The following BCAT1 variants were observed in gnomAD, a reference collection of about 807,000 sequenced individuals.
BCAT1 encodes the protein branched chain amino acid transaminase 1.
Under a neutral mutation model 52.4 loss-of-function variants are expected in BCAT1, and 48 were observed. The ratio of observed to expected loss-of-function variants is 0.92; its 90% CI spans 0.73 to 1.16. BCAT1 has a LOEUF of 1.16. Ranked by LOEUF, BCAT1 falls within the 50% of genes most tolerant of loss-of-function variation. BCAT1 has a pLI of 0.00. For synonymous variants in BCAT1, 167 were observed against 161.3 expected (o/e 1.04, Z -0.27); for missense variants, 451 against 457.1 (o/e 0.99, Z 0.12).
Position 24,812,446 on chromosome 12 carries a change from A to G in BCAT1, c.*5562T>C, listed in dbSNP as rs1939720147. On this transcript the variant is annotated 3_prime_UTR_variant, in exon 11 of 11. Coordinates refer to ENST00000261192, the MANE Select transcript of BCAT1 (RefSeq NM_005504.7). ...GATATTACTTACTATGCTATTATAA[A>G]ATAAAGCCTAGTCCAAGTTGATAAT... is the stretch of plus-strand genomic sequence containing the variant. 1 of 152,034 alleles carries G rather than the reference A, an allele frequency of 6.6e-6. No homozygotes were observed. The highest frequency in any genetic ancestry group is 2.4e-5 in the African/African-American group (1 of 41,440). The allele number at this position is 152,034 out of a possible 1,614,324, so 9.4% of individuals were successfully genotyped here. A position where few individuals can be genotyped will look rare whatever the true frequency, so the allele number is the denominator to read the frequency against.
intron 9 of BCAT1, 126 bp downstream of exon 9, chr12:24,832,597 A>G (rs558297195): frequency 1.6e-5 from 19 of 1,180,034 alleles, no homozygotes; most frequent in Non-Finnish European, 2.1e-5. Flanking sequence ...ATAAAGAAAA[A>G]CAACAACAAC....
chr12:24,877,133 T>C (rs1201541556), intron 5 of BCAT1, among the ~76,000 whole-genome samples: 3 of 152,170 alleles, frequency 2.0e-5, no homozygotes, highest in Non-Finnish European at 4.4e-5. Flanking sequence ...AACACTTCGG[T>C]ATTTATTCCA....
chr12:24,889,389 C>T (rs755072911), intron 3 of BCAT1, among the ~76,000 whole-genome samples: 25 of 152,308 alleles, frequency 1.6e-4, no homozygotes, highest in South Asian at 6.2e-4. Flanking sequence ...ATGTCTATTA[C>T]AGACTGTATT....
chr12:24,828,269 C>G (rs143311822), intron 10 of BCAT1, among the ~76,000 whole-genome samples: 40 of 152,342 alleles, frequency 2.6e-4, no homozygotes, highest in Middle Eastern at 3.4e-3. Flanking sequence ...ACAAAGTCTT[C>G]TAACTTGTGA....
intron 5 of BCAT1, among the ~76,000 whole-genome samples, chr12:24,866,402 T>C (rs1942011002): frequency 6.6e-6 from 1 of 152,228 alleles, no homozygotes; most frequent in African/African-American, 2.4e-5. Flanking sequence ...TGGGATCCTG[T>C]GCGGCCTGAG....
intron 1 of BCAT1, among the ~76,000 whole-genome samples, chr12:24,911,073 A>G (rs558808495): frequency 6.6e-6 from 1 of 152,076 alleles, no homozygotes; most frequent in East Asian, 1.9e-4. Context: ...TACTGACTCC[A>G]GCCTGGTGAC....
intron 1 of BCAT1, among the ~76,000 whole-genome samples, chr12:24,904,893 A>T (rs537101447): frequency 1.1e-4 from 16 of 152,246 alleles, no homozygotes; most frequent in Non-Finnish European, 1.5e-4. Context: ...TAAAATTATA[A>T]CAAGTGCTGC....
Position 24,882,338 on chromosome 12 carries a change from C to T in BCAT1, c.280-927G>A, listed in dbSNP as rs556264828. ...AAATTAGAAAATAAGTTAAACTGAA[C>T]GATAATGAAAAGTAAGGCCTTTAAA... On this transcript the variant is annotated intron_variant, in intron 3 of 10. Coordinates refer to ENST00000261192, the MANE Select transcript of BCAT1 (RefSeq NM_005504.7). 9.1e-4 allele frequency among the ~76,000 whole-genome samples: 138 copies of T among 151,728 alleles called. 1 individual carries two copies. Among genetic ancestry groups the T allele is most frequent in the Non-Finnish European group, 1.7e-3 (115 of 67,936 alleles).
intron 10 of BCAT1, among the ~76,000 whole-genome samples, chr12:24,821,902 C>T (rs1001897832): frequency 3.9e-5 from 6 of 152,092 alleles, no homozygotes; most frequent in South Asian, 2.1e-4. Flanking sequence ...GGCTTCTGAA[C>T]GAGATGAGTC....
chr12:24,923,081 G>A (rs1943525869), intron 1 of BCAT1, among the ~76,000 whole-genome samples: 1 of 152,118 alleles, frequency 6.6e-6, no homozygotes. Flanking sequence ...AGGTTTTTAT[G>A]TGGGGCTGTC....
At chr12:24,884,975 G>A (rs1028386536) in intron 3 of BCAT1, among the ~76,000 whole-genome samples, 108 of 151,968 alleles carry the variant, frequency 7.1e-4, no homozygotes, top group African/African-American at 2.3e-3. Flanking sequence ...TAATAAGCTC[G>A]CAAACGTTAT....
At chr12:24,838,482 T>C (rs1478282273) in intron 7 of BCAT1, among the ~76,000 whole-genome samples, 1 of 147,892 alleles carries the variant, frequency 6.8e-6, no homozygotes, top group Non-Finnish European at 1.5e-5. Flanking sequence ...GATACATAAA[T>C]GTATGGATCT....
chr12:24,906,516 C>T (rs962580826), intron 1 of BCAT1, among the ~76,000 whole-genome samples: 3 of 152,004 alleles, frequency 2.0e-5, no homozygotes, highest in Admixed American at 6.6e-5. Context: ...CAGTTTTCTC[C>T]GCTGTAAAAT....
At chr12:24,911,640 G>A (rs548652139) in intron 1 of BCAT1, among the ~76,000 whole-genome samples, 5 of 152,280 alleles carry the variant, frequency 3.3e-5, no homozygotes, top group African/African-American at 1.2e-4. Flanking sequence ...CAGACAAAGT[G>A]CAAATTCCTG....
intron 1 of BCAT1, among the ~76,000 whole-genome samples, chr12:24,928,215 T>A: frequency 6.6e-6 from 1 of 152,248 alleles, no homozygotes; most frequent in Admixed American, 6.5e-5. Context: ...TCTCTTCTCA[T>A]CGTTCTAGTT....
At chr12:24,881,502 T>C in intron 3 of BCAT1, 91 bp from the exon 4 acceptor site, 2 of 781,050 alleles carry the variant, frequency 2.6e-6, no homozygotes, top group East Asian at 5.1e-5. Context: ...GTTCATCTTA[T>C]TCATCCCATA....
intron 3 of BCAT1, 52 bp downstream of exon 3, chr12:24,894,223 T>A (rs1287528336): frequency 6.4e-7 from 1 of 1,559,428 alleles, no homozygotes; most frequent in Non-Finnish European, 8.8e-7. Context: ...AGCTACTTAG[T>A]ACCCACAGTG....
chr12:24,850,419 G>A (rs2139467463), intron 5 of BCAT1, among the ~76,000 whole-genome samples: 1 of 152,282 alleles, frequency 6.6e-6, no homozygotes, highest in African/African-American at 2.4e-5. Context: ...TCAGCAGGTG[G>A]TAGGTGCAGG....
intron 7 of BCAT1, among the ~76,000 whole-genome samples, chr12:24,837,154 C>A (rs1941016287): frequency 1.2e-5 from 1 of 84,270 alleles, no homozygotes; most frequent in Non-Finnish European, 2.9e-5. Context: ...GGAAAGTTAT[C>A]TAATCATCTT....
Sources: gnomAD v4.1 joint callset for allele counts (sites outside exome capture counted in the v4.1 genomes callset) on GRCh38, gnomAD v4.1.1 for gene constraint, MANE v1.5 for transcripts, NCBI Gene and HGNC (gene_info 2026-07-23, HGNC 2026-07-21) for gene names.